Variants in OPCML observed in about 807,000 individuals in gnomAD.
The protein encoded by OPCML is opioid binding protein/cell adhesion molecule like.
In OPCML, 13 loss-of-function variants were observed where a neutral mutation model predicts 37.8. The ratio of observed to expected loss-of-function variants is 0.34; its 90% CI spans 0.22 to 0.55. The LOEUF is 0.55. Ranked by LOEUF, OPCML falls within the 20% of genes least tolerant of loss-of-function variation. OPCML has a pLI of 0.91. For missense variants in OPCML, 341 were observed against 435.6 expected (o/e 0.78, Z 1.93); for synonymous variants, 176 against 168.8 (o/e 1.04, Z -0.33).
intron 1 of OPCML, among the ~76,000 whole-genome samples, chr11:133,306,262 A>G (rs554933946): frequency 4.6e-5 from 7 of 152,144 alleles, no homozygotes; most frequent in African/African-American, 1.7e-4. Context: ...GTTTCTGAGT[A>G]CTCTGGAAAT....
intron 1 of OPCML, among the ~76,000 whole-genome samples, chr11:133,169,378 AAT>A (rs1217744407): frequency 6.6e-6 from 1 of 152,212 alleles, no homozygotes; most frequent in African/African-American, 2.4e-5. Flanking sequence ...ATTAAACAAA[AAT>A]AAATAGCATG....
At chr11:132,665,722 A>G (rs1046597353) in intron 2 of OPCML, among the ~76,000 whole-genome samples, 2 of 152,226 alleles carry the variant, frequency 1.3e-5, no homozygotes, top group African/African-American at 2.4e-5. Context: ...CCCAGGCTCC[A>G]AGTCACTCTA....
chr11:133,121,246 T>A (rs1949415767), intron 1 of OPCML, among the ~76,000 whole-genome samples: 1 of 152,174 alleles, frequency 6.6e-6, no homozygotes, highest in South Asian at 2.1e-4. Context: ...GCTATGGGAT[T>A]TACCTAGCAA....
intron 2 of OPCML, among the ~76,000 whole-genome samples, chr11:132,862,612 G>A (rs1942352308): frequency 6.6e-6 from 1 of 152,144 alleles, no homozygotes; most frequent in African/African-American, 2.4e-5. Context: ...TTGTGGCCCA[G>A]CATCCTAGCT....
At chr11:133,162,158 A>C (rs1950151766) in intron 1 of OPCML, among the ~76,000 whole-genome samples, 1 of 152,060 alleles carries the variant, frequency 6.6e-6, no homozygotes, top group Non-Finnish European at 1.5e-5. Flanking sequence ...GGGGTAAGGG[A>C]AAGTGCATGC....
intron 1 of OPCML, among the ~76,000 whole-genome samples, chr11:133,308,722 A>G (rs1331129594): frequency 6.6e-6 from 1 of 152,174 alleles, no homozygotes; most frequent in East Asian, 1.9e-4. Flanking sequence ...AACAAATACC[A>G]TTCATCAATA....
At chr11:133,023,133 G>C (rs886346401) in intron 1 of OPCML, among the ~76,000 whole-genome samples, 4 of 152,248 alleles carry the variant, frequency 2.6e-5, no homozygotes, top group African/African-American at 7.2e-5. Context: ...TGGTGCAACA[G>C]TTGTAGGACT....
intron 1 of OPCML, among the ~76,000 whole-genome samples, chr11:132,999,788 G>A (rs1041147621): frequency 3.9e-5 from 6 of 152,120 alleles, no homozygotes; most frequent in Non-Finnish European, 7.3e-5. Flanking sequence ...AAAAAGTAGA[G>A]CTTCAGGTGG....
At chr11:132,675,769 T>C (rs1942674978) in intron 2 of OPCML, among the ~76,000 whole-genome samples, 1 of 152,122 alleles carries the variant, frequency 6.6e-6, no homozygotes, top group Non-Finnish European at 1.5e-5. Context: ...AAAACAAAAG[T>C]GTTGAAATAA....
intron 1 of OPCML, among the ~76,000 whole-genome samples, chr11:133,265,837 T>C (rs572328155): frequency 6.6e-6 from 1 of 152,266 alleles, no homozygotes; most frequent in African/African-American, 2.4e-5. Context: ...GAAGGGGAAA[T>C]GTGCCGGAAG....
chr11:133,347,148 C>T (rs1162735837), intron 1 of OPCML, among the ~76,000 whole-genome samples: 1 of 152,168 alleles, frequency 6.6e-6, no homozygotes, highest in African/African-American at 2.4e-5. Flanking sequence ...TTTTCATTTG[C>T]TCTTCAAAAC....
intron 1 of OPCML, among the ~76,000 whole-genome samples, chr11:133,090,691 T>G (rs1426575790): frequency 1.3e-5 from 2 of 152,156 alleles, no homozygotes; most frequent in African/African-American, 4.8e-5. Flanking sequence ...TTCAGGGTGC[T>G]GCACAGCTTC....
At chr11:132,461,044 G>A (rs1168595708) in intron 4 of OPCML, among the ~76,000 whole-genome samples, 1 of 152,150 alleles carries the variant, frequency 6.6e-6, no homozygotes, top group East Asian at 1.9e-4. Flanking sequence ...GGTTAATGAT[G>A]TACCTGAGGA....
chr11:132,973,732 A>G lies in OPCML; in HGVS notation c.62-30722T>C, dbSNP rs369969190. On this transcript the variant is annotated intron_variant, in intron 1 of 7. Transcript: ENST00000524381. ...TTTCCAGCTAATCTTTGGTCACTTCATACATCTACTTTCCACAATGACTTT... is the reference window on the plus strand; with the variant it reads ...TTTCCAGCTAATCTTTGGTCACTTCGTACATCTACTTTCCACAATGACTTT... Among the ~76,000 whole-genome samples, 7 of 152,318 alleles carry G rather than the reference A, an allele frequency of 4.6e-5. No individual in the cohort carries two copies. In the East Asian group the frequency reaches 1.4e-3, roughly 29 times the overall value.
intron 2 of OPCML, among the ~76,000 whole-genome samples, chr11:132,912,627 T>C (rs547120610): frequency 2.0e-5 from 3 of 152,304 alleles, no homozygotes; most frequent in African/African-American, 7.2e-5. Context: ...CTATGACAGC[T>C]TTCAACACAA....
chr11:133,405,400 T>G, intron 1 of OPCML, among the ~76,000 whole-genome samples: 1 of 152,240 alleles, frequency 6.6e-6, no homozygotes, highest in Non-Finnish European at 1.5e-5. Flanking sequence ...CCTGCTTTGC[T>G]TTTCCCTGCT....
At chr11:133,388,392 G>C (rs1021155707) in intron 1 of OPCML, among the ~76,000 whole-genome samples, 2 of 152,116 alleles carry the variant, frequency 1.3e-5, no homozygotes, top group Non-Finnish European at 2.9e-5. Flanking sequence ...CTCTACTCTT[G>C]TTTCTAACCT....
chr11:132,455,321 C>T (rs2096079014), intron 4 of OPCML, among the ~76,000 whole-genome samples: 1 of 152,154 alleles, frequency 6.6e-6, no homozygotes. Context: ...GTGCAGTGAC[C>T]TGAGATGGCT....
At chr11:132,683,348 C>T (rs1338492736) in intron 2 of OPCML, among the ~76,000 whole-genome samples, 1 of 152,104 alleles carries the variant, frequency 6.6e-6, no homozygotes, top group Non-Finnish European at 1.5e-5. Context: ...GCACTCCAGC[C>T]TGGGTGAGAG....
Sources: allele counts gnomAD v4.1 joint callset (sites outside exome capture counted in the v4.1 genomes callset), GRCh38; gene constraint gnomAD v4.1.1; transcripts MANE v1.5; gene names NCBI Gene and HGNC (gene_info 2026-07-23, HGNC 2026-07-21).